The following NT5DC1 variants were observed in gnomAD, a reference collection of about 807,000 sequenced individuals.
NT5DC1 encodes 5'-nucleotidase domain-containing protein 1.
In NT5DC1, 42 loss-of-function variants were observed where a neutral mutation model predicts 59.4. The ratio of observed to expected loss-of-function variants is 0.71; its 90% CI spans 0.55 to 0.92. NT5DC1 has a LOEUF of 0.92. Ranked by LOEUF, NT5DC1 falls within the 40% of genes least tolerant of loss-of-function variation. The probability of loss-of-function intolerance (pLI) is 0.00; values close to 1 mark genes in which losing one functional copy is unlikely to be tolerated. For synonymous variants in NT5DC1, 172 were observed against 188.1 expected (o/e 0.91, Z 0.70); for missense variants, 501 against 537.1 (o/e 0.93, Z 0.66).
chr6:116,198,877 T>C (rs1454449973), intron 6 of NT5DC1, among the ~76,000 whole-genome samples: 2 of 152,028 alleles, frequency 1.3e-5, no homozygotes, highest in African/African-American at 4.8e-5. Context: ...TGATCCCTCA[T>C]AGCCACCAAT....
At chr6:116,204,482 G>A (rs771180804) in intron 6 of NT5DC1, among the ~76,000 whole-genome samples, 2 of 151,952 alleles carry the variant, frequency 1.3e-5, no homozygotes, top group African/African-American at 2.4e-5. Flanking sequence ...TGATGAGAGT[G>A]TGGGGTAAGT....
At chr6:116,154,027 T>G (rs1480989756) in intron 6 of NT5DC1, among the ~76,000 whole-genome samples, 3 of 148,666 alleles carry the variant, frequency 2.0e-5, no homozygotes, top group Non-Finnish European at 3.0e-5. Context: ...AAGGGAAGAT[T>G]TCTTTTTTTT....
chr6:116,206,301 A>G (rs1437982774), intron 6 of NT5DC1, among the ~76,000 whole-genome samples: 1 of 152,004 alleles, frequency 6.6e-6, no homozygotes, highest in Admixed American at 6.6e-5. Flanking sequence ...TGTGTAAAGC[A>G]TTGTGCTAAA....
intron 6 of NT5DC1, among the ~76,000 whole-genome samples, chr6:116,218,428 T>C (rs1280188721): frequency 6.6e-6 from 1 of 152,156 alleles, no homozygotes; most frequent in Non-Finnish European, 1.5e-5. Flanking sequence ...TTCTTCTTGC[T>C]ACAAAAGCTT....
chr6:116,215,689 G>C (rs906742537), intron 6 of NT5DC1, among the ~76,000 whole-genome samples: 7 of 152,122 alleles, frequency 4.6e-5, no homozygotes, highest in Non-Finnish European at 8.8e-5. Context: ...GGTTCTTTTA[G>C]AATGATTCAT....
chr6:116,101,080 T>TG (rs1778636638), intron 1 of NT5DC1, 57 bp downstream of exon 1: 3 of 1,317,470 alleles, frequency 2.3e-6, no homozygotes, highest in East Asian at 2.7e-5. Flanking sequence ...GGCTGGGGCT[T>TG]GAGTTTCCTC....
At chr6:116,125,586 CT>C (rs1364625798) in intron 6 of NT5DC1, 1 of 1,273,396 alleles carries the variant, frequency 7.9e-7, no homozygotes, top group East Asian at 2.4e-5. Context: ...CAGATGAGTT[CT>C]TTATACAGTT....
intron 6 of NT5DC1, among the ~76,000 whole-genome samples, chr6:116,174,769 A>G (rs1462783901): frequency 6.6e-6 from 1 of 152,158 alleles, no homozygotes; most frequent in Non-Finnish European, 1.5e-5. Context: ...TGAAGGACTC[A>G]GTCTACAATT....
chr6:116,161,176 A>C (rs1272029443), intron 6 of NT5DC1, among the ~76,000 whole-genome samples: 1 of 119,722 alleles, frequency 8.4e-6, no homozygotes, highest in East Asian at 2.6e-4. Context: ...GAACATCACA[A>C]TCTGGGGACT....
chr6:116,152,228 A>C (rs1328853664), intron 6 of NT5DC1, among the ~76,000 whole-genome samples: 1 of 152,194 alleles, frequency 6.6e-6, no homozygotes, highest in Non-Finnish European at 1.5e-5. Flanking sequence ...TATGATTAGA[A>C]AATACAGGAG....
chr6:116,121,449 CT>C, intron 6 of NT5DC1: 1 of 1,614,174 alleles, frequency 6.2e-7, no homozygotes, highest in Non-Finnish European at 8.5e-7. Context: ...CCATTTTCAC[CT>C]CTTTTTCCCA....
intron 1 of NT5DC1, among the ~76,000 whole-genome samples, chr6:116,103,878 T>C (rs1778712455): frequency 6.6e-6 from 1 of 152,098 alleles, no homozygotes; most frequent in African/African-American, 2.4e-5. Flanking sequence ...GTCCCAAATA[T>C]TGCATGCTTA....
At chr6:116,208,193 C>G (rs1007233312) in intron 6 of NT5DC1, among the ~76,000 whole-genome samples, 1 of 151,936 alleles carries the variant, frequency 6.6e-6, no homozygotes, top group Non-Finnish European at 1.5e-5. Flanking sequence ...TCAACTGTAA[C>G]TTTTTTCAAA....
intron 6 of NT5DC1, among the ~76,000 whole-genome samples, chr6:116,118,474 A>G (rs1432935229): frequency 2.6e-5 from 4 of 152,164 alleles, no homozygotes; most frequent in African/African-American, 4.8e-5. Context: ...CCTTTATAGT[A>G]TGTTACCTCA....
chr6:116,222,174 A>G lies in NT5DC1; in HGVS notation c.705-860A>G, dbSNP rs567860365. On this transcript the variant is annotated intron_variant, in intron 7 of 11. Coordinates refer to ENST00000319550, the MANE Select transcript of NT5DC1 (RefSeq NM_152729.3). ...CTTTCTGAATAATATACAGGCTGAT[A>G]CATAATAATGCATCTTTTGGGTGAA... Among the ~76,000 whole-genome samples the G allele has an allele frequency of 2.6e-5, 4 of 152,302 alleles. No individual in the cohort carries two copies. In the South Asian group the frequency reaches 8.3e-4, roughly 32 times the overall value.
chr6:116,209,831 T>C (rs1289671950), intron 6 of NT5DC1, among the ~76,000 whole-genome samples: 2 of 152,024 alleles, frequency 1.3e-5, no homozygotes, highest in Non-Finnish European at 2.9e-5. Context: ...AATAATTATA[T>C]AGCTAAACAG....
chr6:116,164,502 T>C (rs750801098), intron 6 of NT5DC1, among the ~76,000 whole-genome samples: 7 of 152,230 alleles, frequency 4.6e-5, no homozygotes, highest in Non-Finnish European at 1.0e-4. Flanking sequence ...GGGTCTCTTT[T>C]AGGCAGCAGA....
chr6:116,222,962 G>C, intron 7 of NT5DC1, 72 bp from the exon 8 acceptor site: 1 of 773,834 alleles, frequency 1.3e-6, no homozygotes, highest in East Asian at 2.5e-5. Flanking sequence ...GATAAGCAAA[G>C]ATCAAGTTCT....
At chr6:116,197,989 G>T (rs535106076) in intron 6 of NT5DC1, among the ~76,000 whole-genome samples, 1 of 152,116 alleles carries the variant, frequency 6.6e-6, no homozygotes, top group South Asian at 2.1e-4. Context: ...GCAATTTATG[G>T]CCCCAGGGCA....
Sources: gnomAD v4.1 joint callset for allele counts (sites outside exome capture counted in the v4.1 genomes callset) on GRCh38, gnomAD v4.1.1 for gene constraint, MANE v1.5 for transcripts, NCBI Gene and HGNC (gene_info 2026-07-23, HGNC 2026-07-21) for gene names.